RAB3C: variants seen among roughly 807,000 people sequenced by gnomAD.
The protein encoded by RAB3C is RAB3C, member RAS oncogene family.
Under a neutral mutation model 26.4 loss-of-function variants are expected in RAB3C, and 17 were observed. The ratio of observed to expected loss-of-function variants is 0.64; its 90% CI spans 0.44 to 0.97. The LOEUF (loss-of-function observed/expected upper bound fraction) is 0.97. Among genes scored for constraint, RAB3C ranks in the 50% least tolerant of loss-of-function variants. The pLI is 0.00. For missense variants in RAB3C, 242 were observed against 281.9 expected (o/e 0.86, Z 1.01); for synonymous variants, 91 against 95.9 (o/e 0.95, Z 0.30).
chr5:58,588,950 C>A (rs567617471), intron 1 of RAB3C, among the ~76,000 whole-genome samples: 1 of 152,070 alleles, frequency 6.6e-6, no homozygotes, highest in African/African-American at 2.4e-5. Flanking sequence ...GTTGAATAGA[C>A]GTGATGACAG....
At chr5:58,637,820 G>A (rs1050615056) in intron 2 of RAB3C, among the ~76,000 whole-genome samples, 4 of 151,920 alleles carry the variant, frequency 2.6e-5, no homozygotes, top group African/African-American at 7.2e-5. Context: ...ACAGCTTTCC[G>A]ATTTTTCCCT....
rs532385410 is a variant in RAB3C, at chr5:58,604,958, T to G, written c.25-12685T>G. Among the ~76,000 whole-genome samples the G allele has an allele frequency of 6.9e-4, 105 of 152,298 alleles. 1 individual carries two copies. The highest frequency in any genetic ancestry group is 2.5e-3 in the African/African-American group (102 of 41,570). On this transcript the variant is annotated intron_variant, in intron 1 of 4. Coordinates refer to ENST00000282878, the MANE Select transcript of RAB3C (RefSeq NM_138453.4). ...GTGGTGCCAGGCAGGAATGGGCTGC[T>G]TGGGGACCCAGAGAGCTCGCAGGGC...
intron 2 of RAB3C, among the ~76,000 whole-genome samples, chr5:58,631,496 GT>G (rs1747182804): frequency 6.6e-6 from 1 of 152,196 alleles, no homozygotes; most frequent in Non-Finnish European, 1.5e-5. Context: ...TAAAATAGTA[GT>G]TTGTGAAGCA....
chr5:58,624,969 T>G (rs1281808376), intron 2 of RAB3C, among the ~76,000 whole-genome samples: 1 of 152,192 alleles, frequency 6.6e-6, no homozygotes, highest in East Asian at 1.9e-4. Flanking sequence ...TAGTGAGTTA[T>G]CTAATCCTCA....
intron 2 of RAB3C, among the ~76,000 whole-genome samples, chr5:58,675,231 T>C (rs1416883001): frequency 6.6e-6 from 1 of 151,944 alleles, no homozygotes; most frequent in African/African-American, 2.4e-5. Flanking sequence ...TTTCAGCTCA[T>C]TGAGACATGG....
intron 1 of RAB3C, among the ~76,000 whole-genome samples, chr5:58,585,179 A>C (rs553921922): frequency 1.3e-5 from 2 of 152,048 alleles, no homozygotes; most frequent in Non-Finnish European, 2.9e-5. Context: ...AAGCACATAC[A>C]TTAATTCAAT....
chr5:58,666,103 C>A (rs2111815307), intron 2 of RAB3C, among the ~76,000 whole-genome samples: 1 of 152,258 alleles, frequency 6.6e-6, no homozygotes, highest in South Asian at 2.1e-4. Context: ...TAATTCCTTG[C>A]TTCTGGCAGG....
chr5:58,851,672 A>G lies in RAB3C; in HGVS notation c.*321A>G, dbSNP rs1744118090. ...GACATCAGACTATAATCTCACTACA[A>G]CTGGCTTTTGTCCCATTGATTCAAA... On this transcript the variant is annotated 3_prime_UTR_variant, in exon 5 of 5. Coordinates refer to ENST00000282878, the MANE Select transcript of RAB3C (RefSeq NM_138453.4). The G allele has an allele frequency of 1.3e-5, 3 of 229,532 alleles. No individual in the cohort carries two copies. The highest frequency in any genetic ancestry group is 2.5e-5 in the Non-Finnish European group (3 of 118,326). 14.2% of individuals were successfully genotyped at this position (229,532 alleles called of 1,614,324 possible).
intron 1 of RAB3C, among the ~76,000 whole-genome samples, chr5:58,610,393 T>C (rs1432415800): frequency 1.3e-5 from 2 of 152,144 alleles, no homozygotes; most frequent in Non-Finnish European, 2.9e-5. Context: ...TCCACATCCT[T>C]GCCAGCAATT....
At chr5:58,607,146 A>G (rs1422456714) in intron 1 of RAB3C, among the ~76,000 whole-genome samples, 1 of 152,222 alleles carries the variant, frequency 6.6e-6, no homozygotes, top group Non-Finnish European at 1.5e-5. Context: ...ACCTGTCACA[A>G]GGAAGGTAAA....
intron 2 of RAB3C, among the ~76,000 whole-genome samples, chr5:58,654,152 G>A (rs1048690613): frequency 1.3e-5 from 2 of 152,118 alleles, no homozygotes; most frequent in African/African-American, 4.8e-5. Context: ...TGATTTTAAA[G>A]CTTAGAGCAA....
chr5:58,782,463 A>C (rs1350486573), intron 3 of RAB3C, among the ~76,000 whole-genome samples: 1 of 152,140 alleles, frequency 6.6e-6, no homozygotes, highest in African/African-American at 2.4e-5. Flanking sequence ...GTATCTCCAA[A>C]TGTGAATACT....
chr5:58,722,600 A>G (rs116665558), intron 2 of RAB3C, among the ~76,000 whole-genome samples: 2,983 of 151,976 alleles, frequency 0.02, 35 homozygotes, highest in Non-Finnish European at 0.032. Context: ...GAAAGCTTAC[A>G]CATATCACAA....
At chr5:58,725,867 A>C (rs1321551584) in intron 2 of RAB3C, 135 bp from the exon 3 acceptor site, 2 of 501,444 alleles carry the variant, frequency 4.0e-6, no homozygotes, top group African/African-American at 4.0e-5. Context: ...GGGAAACAAG[A>C]CCAAAAAAGA....
chr5:58,824,974 T>C lies in RAB3C; in HGVS notation c.372-64T>C, dbSNP rs1052534366. 9 of 1,152,080 alleles carry C rather than the reference T, an allele frequency of 7.8e-6. No individual in the cohort carries two copies. In the African/African-American group the frequency reaches 1.4e-4, roughly 18 times the overall value. The allele number at this position is 1,152,080 out of a possible 1,614,324, so 71.4% of individuals were successfully genotyped here. On this transcript the variant is annotated intron_variant, in intron 3 of 4. Coordinates refer to ENST00000282878, the MANE Select transcript of RAB3C (RefSeq NM_138453.4). ...ATCATCATCTGTGGAATGTATTTCT[T>C]CTCCTTCATTTTATGCTGTTCTGCT...
At chr5:58,811,268 A>T (rs993082999) in intron 3 of RAB3C, among the ~76,000 whole-genome samples, 1 of 152,214 alleles carries the variant, frequency 6.6e-6, no homozygotes, top group Admixed American at 6.5e-5. Context: ...TCCTGAGGTC[A>T]GAGTTCTCTA....
At chr5:58,830,847 C>A (rs1157376175) in intron 4 of RAB3C, among the ~76,000 whole-genome samples, 1 of 151,046 alleles carries the variant, frequency 6.6e-6, no homozygotes, top group Non-Finnish European at 1.5e-5. Context: ...AGTCATCATA[C>A]CCTTGGGACA....
chr5:58,792,638 C>A (rs934897782), intron 3 of RAB3C, among the ~76,000 whole-genome samples: 8 of 152,018 alleles, frequency 5.3e-5, no homozygotes, highest in Non-Finnish European at 5.9e-5. Flanking sequence ...CTACTAGATT[C>A]GACTCCAGAG....
rs1744212398 is a variant in RAB3C, at chr5:58,854,457, T to G, written c.*3106T>G. The G allele has an allele frequency of 6.6e-6, 1 of 152,108 alleles. No homozygotes were observed. Among genetic ancestry groups the G allele is most frequent in the African/African-American group, 2.4e-5 (1 of 41,406 alleles). The allele number at this position is 152,108 out of a possible 1,614,324, so 9.4% of individuals were successfully genotyped here. On this transcript the variant is annotated 3_prime_UTR_variant, in exon 5 of 5. Coordinates refer to ENST00000282878, the MANE Select transcript of RAB3C (RefSeq NM_138453.4). ...TCCTCAGAGTGAATCAGCATTTCAGTTTTTGGAGATGGGGATGGAAGTAGA... is the reference window on the plus strand; with the variant it reads ...TCCTCAGAGTGAATCAGCATTTCAGGTTTTGGAGATGGGGATGGAAGTAGA...
Sources: allele counts gnomAD v4.1 joint callset (sites outside exome capture counted in the v4.1 genomes callset), GRCh38; gene constraint gnomAD v4.1.1; transcripts MANE v1.5; gene names NCBI Gene and HGNC (gene_info 2026-07-23, HGNC 2026-07-21).